ACER3: variants seen among roughly 807,000 people sequenced by gnomAD.
The protein encoded by ACER3 is alkCDase 3.
Under a neutral mutation model 48.9 loss-of-function variants are expected in ACER3, and 16 were observed. That is an observed-to-expected ratio of 0.33 (90% CI 0.22 to 0.50). The LOEUF is 0.50. Among genes scored for constraint, ACER3 ranks in the 20% least tolerant of loss-of-function variants. The probability of loss-of-function intolerance (pLI) is 0.98; values close to 1 mark genes in which losing one functional copy is unlikely to be tolerated. For synonymous variants in ACER3, 109 were observed against 107.8 expected (o/e 1.01, Z -0.07); for missense variants, 227 against 326.0 (o/e 0.70, Z 2.34).
intron 7 of ACER3, among the ~76,000 whole-genome samples, chr11:77,002,093 A>T (rs949962271): frequency 6.6e-6 from 1 of 152,132 alleles, no homozygotes; most frequent in Non-Finnish European, 1.5e-5. Context: ...GACACCAGTT[A>T]TATTAGATTA....
At chr11:76,979,264 C>G (rs1250124379) in intron 4 of ACER3, among the ~76,000 whole-genome samples, 2 of 152,218 alleles carry the variant, frequency 1.3e-5, no homozygotes, top group African/African-American at 4.8e-5. Context: ...TAATGGTACA[C>G]ACTAAAGTAA....
intron 7 of ACER3, among the ~76,000 whole-genome samples, chr11:77,008,785 G>A (rs1949205171): frequency 6.6e-6 from 1 of 152,138 alleles, no homozygotes. Context: ...GCTGGGCATG[G>A]TGACTCATCC....
At chr11:76,952,658 C>T (rs916496833) in intron 2 of ACER3, among the ~76,000 whole-genome samples, 23 of 136,372 alleles carry the variant, frequency 1.7e-4, no homozygotes, top group African/African-American at 4.1e-4. Context: ...ATAGAAGTTA[C>T]GTAAGATTTC....
At chr11:77,014,908 A>T in intron 7 of ACER3, 108 bp from the exon 8 acceptor site, 2 of 698,686 alleles carry the variant, frequency 2.9e-6, no homozygotes, top group Non-Finnish European at 5.1e-6. Flanking sequence ...TGGGCAACAT[A>T]GTGAGATCCC....
Position 77,016,788 on chromosome 11 carries a change from T to C in ACER3, c.704+9T>C. 1.3e-6 allele frequency: 2 copies of C among 1,503,816 alleles called. No individual in the cohort carries two copies. Among genetic ancestry groups the C allele is most frequent in the Middle Eastern group, 1.7e-4 (1 of 5,738 alleles). 93.2% of individuals were successfully genotyped at this position (1,503,816 alleles called of 1,614,324 possible). On this transcript the variant is annotated intron_variant, in intron 9 of 10. Transcript: ENST00000532485. Reference sequence around the variant, plus strand: ...CTTCACATCCTTTTCAGGTAGGAAATAGAGACTTTTTTAGCCTCGTACTAG... The same window carrying C: ...CTTCACATCCTTTTCAGGTAGGAAACAGAGACTTTTTTAGCCTCGTACTAG...
chr11:76,928,767 T>C (rs1946908354), intron 2 of ACER3, among the ~76,000 whole-genome samples: 1 of 152,136 alleles, frequency 6.6e-6, no homozygotes, highest in Non-Finnish European at 1.5e-5. Context: ...GATCAGATGG[T>C]TGTAGATGTG....
intron 9 of ACER3, among the ~76,000 whole-genome samples, chr11:77,019,227 G>A (rs554117711): frequency 4.6e-5 from 7 of 152,308 alleles, no homozygotes; most frequent in Non-Finnish European, 1.0e-4. Context: ...TTGGGAGGCC[G>A]AGGCGGGTGG....
chr11:76,975,713 T>G (rs1948422867), intron 3 of ACER3, among the ~76,000 whole-genome samples: 1 of 152,124 alleles, frequency 6.6e-6, no homozygotes, highest in African/African-American at 2.4e-5. Context: ...CCAGGAATAG[T>G]GAGTCAGGTA....
chr11:76,949,330 A>G (rs1386849688), intron 2 of ACER3, among the ~76,000 whole-genome samples: 1 of 152,164 alleles, frequency 6.6e-6, no homozygotes, highest in Non-Finnish European at 1.5e-5. Context: ...ATATGGGGAA[A>G]CGTATCCCTA....
chr11:77,000,110 A>G (rs1948997121), intron 7 of ACER3, among the ~76,000 whole-genome samples: 1 of 152,118 alleles, frequency 6.6e-6, no homozygotes, highest in Admixed American at 6.5e-5. Flanking sequence ...TTGCATCCTC[A>G]CCAGAATTTG....
intron 1 of ACER3, among the ~76,000 whole-genome samples, chr11:76,874,092 G>A (rs781671649): frequency 1.8e-4 from 27 of 152,114 alleles, no homozygotes; most frequent in Non-Finnish European, 4.0e-4. Context: ...GACAGTAAAA[G>A]CATTTTATGG....
In ACER3 at chr11:77,020,339, A is replaced by T. The variant is rs1447602964; in HGVS notation, c.*12A>T. ...TCAGGAAGCATTGATGAATCATTCC[A>T]CCAAGAAAACAAACAAGCACCTACC... On this transcript the variant is annotated 3_prime_UTR_variant, in exon 11 of 11. Transcript: ENST00000532485. 1 of 1,612,818 alleles carries T rather than the reference A, an allele frequency of 6.2e-7. No homozygotes were observed.
chr11:76,918,496 T>G (rs900384472), intron 1 of ACER3, among the ~76,000 whole-genome samples: 5 of 152,058 alleles, frequency 3.3e-5, no homozygotes, highest in Non-Finnish European at 7.4e-5. Flanking sequence ...GTTGCACCTA[T>G]TTTTGTTCGT....
intron 1 of ACER3, among the ~76,000 whole-genome samples, chr11:76,886,152 C>T (rs1945665838): frequency 6.6e-6 from 1 of 152,196 alleles, no homozygotes; most frequent in African/African-American, 2.4e-5. Flanking sequence ...TGGCATCTGG[C>T]ATAAGCCCTG....
intron 2 of ACER3, among the ~76,000 whole-genome samples, chr11:76,936,068 A>C (rs1947173547): frequency 6.6e-6 from 1 of 152,232 alleles, no homozygotes; most frequent in African/African-American, 2.4e-5. Context: ...GACTAGGAAG[A>C]AAAAGAGGTT....
chr11:76,984,719 G>A (rs973100576), intron 4 of ACER3, among the ~76,000 whole-genome samples: 1 of 152,224 alleles, frequency 6.6e-6, no homozygotes, highest in Non-Finnish European at 1.5e-5. Context: ...GATAAGGGAA[G>A]AGACAATTAT....
intron 4 of ACER3, among the ~76,000 whole-genome samples, chr11:76,979,145 C>T (rs1302158204): frequency 6.6e-6 from 1 of 152,234 alleles, no homozygotes; most frequent in Non-Finnish European, 1.5e-5. Context: ...ACAGAGGTTT[C>T]TGGCTAGAAA....
intron 1 of ACER3, among the ~76,000 whole-genome samples, chr11:76,889,328 G>A (rs11237000): frequency 6.6e-6 from 1 of 151,852 alleles, no homozygotes; most frequent in African/African-American, 2.4e-5. Context: ...TTGGAGCCCA[G>A]CAGTGCATTT....
rs1335534374 is a variant in ACER3 at position 77,021,953 on chromosome 11, A to G, written c.*1626A>G. On this transcript the variant is annotated 3_prime_UTR_variant, in exon 11 of 11. Coordinates refer to ENST00000532485, the MANE Select transcript of ACER3 (RefSeq NM_018367.7). Reference sequence around the variant, plus strand: ...AAACACTTGCCAAAACATTAAGAGAACTTTGATTCTGCCTTAAGAGGGTAT... The same window carrying G: ...AAACACTTGCCAAAACATTAAGAGAGCTTTGATTCTGCCTTAAGAGGGTAT... 2.0e-5 allele frequency: 3 copies of G among 152,120 alleles called. No individual in the cohort carries two copies. Among genetic ancestry groups the G allele is most frequent in the African/African-American group, 7.2e-5 (3 of 41,416 alleles). 9.4% of individuals were successfully genotyped at this position (152,120 alleles called of 1,614,324 possible).
Sources: gnomAD v4.1 joint callset for allele counts (sites outside exome capture counted in the v4.1 genomes callset) on GRCh38, gnomAD v4.1.1 for gene constraint, MANE v1.5 for transcripts, NCBI Gene and HGNC (gene_info 2026-07-23, HGNC 2026-07-21) for gene names.